The following DCC variants were observed in gnomAD, a reference collection of about 807,000 sequenced individuals.
DCC encodes the protein netrin receptor DCC.
Under a neutral mutation model 172.5 loss-of-function variants are expected in DCC, and 58 were observed. That is an observed-to-expected ratio of 0.34 (90% confidence interval 0.27 to 0.42). The LOEUF (loss-of-function observed/expected upper bound fraction) is 0.42, where lower values mean the gene tolerates loss of function less well. Ranked by LOEUF, DCC falls within the 10% of genes least tolerant of loss-of-function variation. The pLI is 1.00. For missense variants in DCC, 1,740 were observed against 1,791.0 expected (o/e 0.97, Z 0.51); for synonymous variants, 709 against 644.5 (o/e 1.10, Z -1.52).
chr18:53,233,417 A>AT (rs2056152537), intron 12 of DCC, among the ~76,000 whole-genome samples: 3 of 152,222 alleles, frequency 2.0e-5, no homozygotes, highest in African/African-American at 7.2e-5. Context: ...CTAAAATCAT[A>AT]TCAAGAAACA....
intron 7 of DCC, among the ~76,000 whole-genome samples, chr18:53,136,803 A>G (rs2043750064): frequency 6.6e-6 from 1 of 152,186 alleles, no homozygotes; most frequent in South Asian, 2.1e-4. Context: ...GAGGAAATGT[A>G]TGTCTCAGCA....
chr18:53,416,019 A>G, intron 20 of DCC, 105 bp from the exon 21 acceptor site: 1 of 801,012 alleles, frequency 1.2e-6, no homozygotes, highest in Non-Finnish European at 2.2e-6. Flanking sequence ...AGAGGGCACT[A>G]GCTTTGAAAT....
intron 5 of DCC, among the ~76,000 whole-genome samples, chr18:52,988,720 A>T (rs2041334460): frequency 2.0e-5 from 3 of 152,138 alleles, no homozygotes; most frequent in Admixed American, 2.0e-4. Context: ...AAGGAAAAAG[A>T]TGTGACTTAT....
intron 12 of DCC, among the ~76,000 whole-genome samples, chr18:53,238,227 T>C (rs948644197): frequency 2.6e-5 from 4 of 152,294 alleles, no homozygotes; most frequent in African/African-American, 9.6e-5. Context: ...CCAATAGATA[T>C]TCTAATTTAT....
chr18:53,491,176 C>T (rs1208897981), intron 26 of DCC, among the ~76,000 whole-genome samples: 2 of 152,088 alleles, frequency 1.3e-5, no homozygotes, highest in African/African-American at 2.4e-5. Flanking sequence ...ACTGGGCATG[C>T]AGACAATTTT....
chr18:53,254,462 C>A (rs755548222), intron 12 of DCC, among the ~76,000 whole-genome samples: 2 of 151,970 alleles, frequency 1.3e-5, no homozygotes, highest in Non-Finnish European at 2.9e-5. Context: ...ACCTGAATCA[C>A]CATTAAAATG....
At position 53,526,747 on chromosome 18, in the gene DCC, G is replaced by A; in HGVS notation, c.4242G>A (p.Glu1414=). The change falls in exon 28 of 29, where the codon GAG becomes GAA. Residue 1414 remains glutamate, a synonymous_variant. Coordinates refer to ENST00000442544, the MANE Select transcript of DCC (RefSeq NM_005215.4). ...CTGAGGAGAGCCACAAACCAACAGA[G>A]GATTCAGCCAATGTAAGGGCATCTT... ...EVSEESHKPT[E]DSANVYEQDD... 1.2e-6 allele frequency: 2 copies of A among 1,613,360 alleles called. No homozygotes were observed. Among genetic ancestry groups the A allele is most frequent in the East Asian group, 2.2e-5 (1 of 44,836 alleles).
intron 1 of DCC, among the ~76,000 whole-genome samples, chr18:52,430,664 G>A (rs539622409): frequency 3.3e-5 from 5 of 152,230 alleles, no homozygotes; most frequent in South Asian, 2.1e-4. Context: ...GTGCAAAACC[G>A]CTGTGGAATA....
At chr18:52,437,163 A>T (rs553181799) in intron 1 of DCC, among the ~76,000 whole-genome samples, 12 of 152,344 alleles carry the variant, frequency 7.9e-5, no homozygotes, top group Middle Eastern at 3.4e-3. Flanking sequence ...ATTAGAAAGA[A>T]AAATGTTCCA....
At chr18:53,495,204 C>T (rs570690896) in intron 26 of DCC, among the ~76,000 whole-genome samples, 1 of 152,092 alleles carries the variant, frequency 6.6e-6, no homozygotes, top group East Asian at 1.9e-4. Context: ...CCAGCCTGAC[C>T]AAGATGGTGA....
intron 7 of DCC, among the ~76,000 whole-genome samples, chr18:53,117,812 C>T (rs954588392): frequency 6.6e-6 from 1 of 151,734 alleles, no homozygotes; most frequent in Non-Finnish European, 1.5e-5. Context: ...TATAGACATG[C>T]CTGTGTTCCA....
rs533328877 is a variant in DCC at position 53,156,699 on chromosome 18, G to A, written c.1262-657G>A. 1.9e-4 allele frequency among the ~76,000 whole-genome samples: 29 copies of A among 152,176 alleles called. No homozygotes were observed. In the South Asian group the frequency reaches 6.0e-3, roughly 32 times the overall value. On this transcript the variant is annotated intron_variant, in intron 7 of 28. Coordinates refer to ENST00000442544, the MANE Select transcript of DCC (RefSeq NM_005215.4). ...AGCTCTTCTTAGAACTGTTAAAAAT[G>A]CCAATAGGTTATCTTTGACAAATAG...
chr18:53,036,096 C>G (rs1017022159), intron 5 of DCC, among the ~76,000 whole-genome samples: 8 of 151,886 alleles, frequency 5.3e-5, no homozygotes, highest in Non-Finnish European at 1.2e-4. Flanking sequence ...ATTTATCTTT[C>G]TTTCAGATTT....
At chr18:53,111,910 A>C (rs1251847313) in intron 7 of DCC, among the ~76,000 whole-genome samples, 1 of 151,678 alleles carries the variant, frequency 6.6e-6, no homozygotes, top group Non-Finnish European at 1.5e-5. Flanking sequence ...TGAATGCTTC[A>C]TTGTCTCACT....
chr18:53,370,808 T>C (rs1318390114), intron 15 of DCC, among the ~76,000 whole-genome samples: 1 of 151,860 alleles, frequency 6.6e-6, no homozygotes, highest in Non-Finnish European at 1.5e-5. Context: ...GAAGAATGTG[T>C]ATGCTGTTGT....
At chr18:52,981,308 C>T (rs1263749084) in intron 5 of DCC, among the ~76,000 whole-genome samples, 5 of 152,100 alleles carry the variant, frequency 3.3e-5, no homozygotes, top group African/African-American at 1.2e-4. Context: ...ATTTAACCAA[C>T]ACTAGAACTT....
chr18:52,484,739 C>T (rs1411672389), intron 1 of DCC, among the ~76,000 whole-genome samples: 1 of 151,730 alleles, frequency 6.6e-6, no homozygotes, highest in Admixed American at 6.6e-5. Flanking sequence ...ACCTATCAAA[C>T]CACCATGGCA....
chr18:52,650,297 A>C (rs987416154), intron 1 of DCC, among the ~76,000 whole-genome samples: 2 of 152,038 alleles, frequency 1.3e-5, no homozygotes, highest in Admixed American at 1.3e-4. Flanking sequence ...TATTTCTTTA[A>C]GAATTTCTGT....
intron 27 of DCC, among the ~76,000 whole-genome samples, chr18:53,523,736 C>G (rs914068133): frequency 6.6e-6 from 1 of 151,988 alleles, no homozygotes; most frequent in Non-Finnish European, 1.5e-5. Context: ...GGGAGGAGAA[C>G]ATCACACACT....
Sources: allele counts gnomAD v4.1 joint callset (sites outside exome capture counted in the v4.1 genomes callset), GRCh38; gene constraint gnomAD v4.1.1; transcripts MANE v1.5; gene names NCBI Gene and HGNC (gene_info 2026-07-23, HGNC 2026-07-21).